Variants in ARHGAP15 observed in about 807,000 individuals in gnomAD.
ARHGAP15 encodes Rho GTPase activating protein 15.
A neutral mutation model predicts 63.7 loss-of-function variants in ARHGAP15; 51 were observed. The ratio of observed to expected loss-of-function variants is 0.80; its 90% CI spans 0.64 to 1.01. ARHGAP15 has a LOEUF of 1.01. ARHGAP15 is among the 50% of genes least tolerant of loss of function. The probability of loss-of-function intolerance (pLI) is 0.00; values close to 1 mark genes in which losing one functional copy is unlikely to be tolerated. For missense variants in ARHGAP15, 560 were observed against 564.6 expected, an observed-to-expected ratio of 0.99 and a Z score of 0.08; for synonymous variants, 191 against 193.8, an observed-to-expected ratio of 0.99 and a Z score of 0.12.
chr2:143,230,093 C>A, intron 5 of ARHGAP15, among the ~76,000 whole-genome samples: 1 of 152,014 alleles, frequency 6.6e-6, no homozygotes, highest in East Asian at 1.9e-4. Flanking sequence ...AACTACCATC[C>A]ACTTGCAGGT....
chr2:143,731,767 T>C (rs1685547846), intron 13 of ARHGAP15, among the ~76,000 whole-genome samples: 2 of 152,338 alleles, frequency 1.3e-5, no homozygotes, highest in South Asian at 4.1e-4. Flanking sequence ...ATAGCACGAA[T>C]AGACACAACT....
At chr2:143,432,699 G>A (rs1384937798) in intron 6 of ARHGAP15, among the ~76,000 whole-genome samples, 1 of 152,002 alleles carries the variant, frequency 6.6e-6, no homozygotes, top group African/African-American at 2.4e-5. Flanking sequence ...CCCTTATTTA[G>A]TATGAAAAAG....
rs573261450 is a variant in ARHGAP15, at chr2:143,615,259, A to G, written c.1004-8874A>G. Among the ~76,000 whole-genome samples, 44 of 152,316 alleles carry G rather than the reference A, an allele frequency of 2.9e-4. 2 individuals are homozygous for G. In the South Asian group the frequency reaches 9.1e-3, roughly 32 times the overall value. On this transcript the variant is annotated intron_variant, in intron 11 of 13. Transcript: ENST00000295095. ...GGATAACATAGTTTCAATGAATGAG[A>G]GTAGCAATATCTTAATCTACCAGTT... is the stretch of plus-strand genomic sequence containing the variant.
At chr2:143,333,318 T>C (rs1684629363) in intron 6 of ARHGAP15, among the ~76,000 whole-genome samples, 1 of 152,212 alleles carries the variant, frequency 6.6e-6, no homozygotes, top group South Asian at 2.1e-4. Flanking sequence ...GTTATTACCA[T>C]ATGAAGATGA....
At chr2:143,253,551 C>T (rs1680267996) in intron 6 of ARHGAP15, among the ~76,000 whole-genome samples, 1 of 151,966 alleles carries the variant, frequency 6.6e-6, no homozygotes, top group Non-Finnish European at 1.5e-5. Context: ...TTTTGGTATT[C>T]AACAACTTTC....
At chr2:143,241,027 G>C (rs1480626527) in intron 5 of ARHGAP15, among the ~76,000 whole-genome samples, 3 of 152,126 alleles carry the variant, frequency 2.0e-5, no homozygotes, top group Admixed American at 6.6e-5. Flanking sequence ...TTTTAATTAT[G>C]AAGCTTGTCT....
At chr2:143,174,349 G>A (rs1396022445) in intron 2 of ARHGAP15, among the ~76,000 whole-genome samples, 1 of 152,056 alleles carries the variant, frequency 6.6e-6, no homozygotes, top group African/African-American at 2.4e-5. Flanking sequence ...AAAGCTAAAT[G>A]AAAAGACTTT....
At chr2:143,264,895 T>G (rs978398075) in intron 6 of ARHGAP15, among the ~76,000 whole-genome samples, 2 of 152,178 alleles carry the variant, frequency 1.3e-5, no homozygotes, top group Non-Finnish European at 2.9e-5. Context: ...ACTAGCTCCA[T>G]AGAGGCTTGT....
chr2:143,182,087 C>T (rs1380708530), intron 2 of ARHGAP15, among the ~76,000 whole-genome samples: 1 of 151,786 alleles, frequency 6.6e-6, no homozygotes, highest in Non-Finnish European at 1.5e-5. Flanking sequence ...CTCCCAGATA[C>T]AGAGTATCTG....
At chr2:143,734,531 C>T (rs1315758942) in intron 13 of ARHGAP15, among the ~76,000 whole-genome samples, 1 of 152,188 alleles carries the variant, frequency 6.6e-6, no homozygotes, top group African/African-American at 2.4e-5. Context: ...TCAACAAATA[C>T]ATCTATAGCC....
chr2:143,451,611 C>T (rs766861367), intron 8 of ARHGAP15, among the ~76,000 whole-genome samples: 1 of 151,662 alleles, frequency 6.6e-6, no homozygotes, highest in Non-Finnish European at 1.5e-5. Flanking sequence ...TTAAATGTTC[C>T]TCTGCATTTA....
At chr2:143,471,277 G>C (rs1458790909) in intron 8 of ARHGAP15, among the ~76,000 whole-genome samples, 1 of 146,968 alleles carries the variant, frequency 6.8e-6, no homozygotes, top group Non-Finnish European at 1.5e-5. Context: ...CACATAGAGA[G>C]CATGCATTTA....
chr2:143,253,754 A>C (rs1198439207), intron 6 of ARHGAP15, among the ~76,000 whole-genome samples: 2 of 150,110 alleles, frequency 1.3e-5, no homozygotes, highest in African/African-American at 4.9e-5. Flanking sequence ...ACTTATATAC[A>C]TAAAATATAT....
chr2:143,234,938 A>G (rs1239236519), intron 5 of ARHGAP15, among the ~76,000 whole-genome samples: 1 of 152,164 alleles, frequency 6.6e-6, no homozygotes. Flanking sequence ...GGTAATTTTA[A>G]AAAGAAATAT....
chr2:143,359,156 C>A (rs766781245), intron 6 of ARHGAP15, among the ~76,000 whole-genome samples: 2 of 152,096 alleles, frequency 1.3e-5, no homozygotes, highest in Non-Finnish European at 2.9e-5. Flanking sequence ...GTGGTAGGAA[C>A]AAAATTCCTT....
chr2:143,561,732 A>G (rs1231940469), intron 11 of ARHGAP15, among the ~76,000 whole-genome samples: 1 of 151,806 alleles, frequency 6.6e-6, no homozygotes, highest in Non-Finnish European at 1.5e-5. Context: ...CAAACTCCTG[A>G]CCTCAAGTGA....
chr2:143,130,761 A>T (rs1688887071), intron 1 of ARHGAP15, among the ~76,000 whole-genome samples: 1 of 152,158 alleles, frequency 6.6e-6, no homozygotes, highest in Admixed American at 6.5e-5. Context: ...TTAGCATGTA[A>T]GAAGACCCTG....
intron 10 of ARHGAP15, among the ~76,000 whole-genome samples, chr2:143,552,013 C>T (rs116844416): frequency 9.4e-4 from 143 of 152,282 alleles, no homozygotes; most frequent in East Asian, 3.1e-3. Context: ...AAACGTGCAG[C>T]GTTGAGGACA....
intron 2 of ARHGAP15, among the ~76,000 whole-genome samples, chr2:143,188,613 CATTATTATTATTATT>C (rs143767405): frequency 0.018 from 2,603 of 140,824 alleles, 79 homozygotes; most frequent in African/African-American, 0.055. Flanking sequence ...ATTATTTTGT[CATTATTATTATTATT>C]ATTATTATTA....
Sources: gnomAD v4.1 joint callset for allele counts (sites outside exome capture counted in the v4.1 genomes callset) on GRCh38, gnomAD v4.1.1 for gene constraint, MANE v1.5 for transcripts, NCBI Gene and HGNC (gene_info 2026-07-23, HGNC 2026-07-21) for gene names.